Variants in RABGAP1L observed in about 807,000 individuals in gnomAD.
The protein encoded by RABGAP1L is rab GTPase-activating protein 1-like.
RABGAP1L carries 63 observed loss-of-function variants against 137.7 expected under a neutral mutation model. That is an observed-to-expected ratio of 0.46 (90% CI 0.37 to 0.56). The LOEUF is 0.56. RABGAP1L is among the 20% of genes least tolerant of loss of function. RABGAP1L has a pLI of 0.00. For missense variants in RABGAP1L, 1,095 were observed against 1,244.0 expected, an observed-to-expected ratio of 0.88 and a Z score of 1.80; for synonymous variants, 431 against 433.7, an observed-to-expected ratio of 0.99 and a Z score of 0.08.
At chr1:174,486,881 A>T (rs543760551) in intron 13 of RABGAP1L, among the ~76,000 whole-genome samples, 3 of 151,924 alleles carry the variant, frequency 2.0e-5, no homozygotes, top group Non-Finnish European at 4.4e-5. Flanking sequence ...TGATTTCCTT[A>T]TTGACTCACT....
intron 13 of RABGAP1L, among the ~76,000 whole-genome samples, chr1:174,501,323 G>C (rs937467010): frequency 6.6e-6 from 1 of 150,684 alleles, no homozygotes; most frequent in Non-Finnish European, 1.5e-5. Flanking sequence ...AAGCGATTCT[G>C]CTGCCTCAGT....
At position 174,965,095 on chromosome 1, in the gene RABGAP1L, T is replaced by C. The variant is rs541938137; in HGVS notation, c.2434-4182T>C. The C allele has an allele frequency of 9.1e-5, 67 of 737,284 alleles. 1 individual carries two copies. The South Asian group carries it at 1.1e-3, about 12-fold the overall frequency. 45.7% of individuals were successfully genotyped at this position (737,284 alleles called of 1,614,324 possible). A position where few individuals can be genotyped will look rare whatever the true frequency, so the allele number is the denominator to read the frequency against. On this transcript the variant is annotated intron_variant, in intron 20 of 25. Coordinates refer to ENST00000681986, the MANE Select transcript of RABGAP1L (RefSeq NM_001366446.1). ...CTAACCAAACTTTCCCAGCTGTACA[T>C]CTCCTATCCATAAGGGGTGAAACTA...
chr1:174,655,319 G>T (rs1675882795), intron 14 of RABGAP1L, among the ~76,000 whole-genome samples: 1 of 152,038 alleles, frequency 6.6e-6, no homozygotes, highest in South Asian at 2.1e-4. Flanking sequence ...CTTCAACCTG[G>T]AACCATTTCT....
chr1:174,678,212 A>G (rs1337048693), intron 14 of RABGAP1L, among the ~76,000 whole-genome samples: 3 of 152,200 alleles, frequency 2.0e-5, no homozygotes, highest in Non-Finnish European at 4.4e-5. Flanking sequence ...GAAAATACGG[A>G]TAGCTCTATT....
At chr1:174,932,247 T>C (rs1193876706) in intron 19 of RABGAP1L, among the ~76,000 whole-genome samples, 2 of 151,574 alleles carry the variant, frequency 1.3e-5, no homozygotes, top group Non-Finnish European at 2.9e-5. Context: ...ATTTAATACT[T>C]CTTTGTTTTT....
intron 13 of RABGAP1L, among the ~76,000 whole-genome samples, chr1:174,519,092 CACACACACACACACAT>C (rs902215875): frequency 3.4e-5 from 5 of 149,126 alleles, no homozygotes; most frequent in Non-Finnish European, 1.5e-5. Context: ...TATATATATA[CACACACACACACACAT>C]ACACACACAC....
At chr1:174,587,812 C>T (rs956417450) in intron 13 of RABGAP1L, among the ~76,000 whole-genome samples, 1 of 152,068 alleles carries the variant, frequency 6.6e-6, no homozygotes, top group Non-Finnish European at 1.5e-5. Context: ...CCATCTCAAG[C>T]ATTTATTTCT....
intron 14 of RABGAP1L, among the ~76,000 whole-genome samples, chr1:174,643,211 G>A (rs1294133600): frequency 1.3e-5 from 2 of 152,124 alleles, no homozygotes; most frequent in Non-Finnish European, 2.9e-5. Flanking sequence ...GTGATGATAG[G>A]TGTTCCTGGA....
At chr1:174,769,520 A>G (rs1488688903) in intron 18 of RABGAP1L, among the ~76,000 whole-genome samples, 1 of 152,216 alleles carries the variant, frequency 6.6e-6, no homozygotes, top group African/African-American at 2.4e-5. Flanking sequence ...AAGCTCCTCT[A>G]TCCCCCTAGC....
At chr1:174,583,603 A>G (rs1668900480) in intron 13 of RABGAP1L, among the ~76,000 whole-genome samples, 1 of 152,168 alleles carries the variant, frequency 6.6e-6, no homozygotes, top group Non-Finnish European at 1.5e-5. Context: ...AAAAGTTCCC[A>G]TAGCTCATAG....
intron 1 of RABGAP1L, among the ~76,000 whole-genome samples, chr1:174,211,906 A>C (rs1347029192): frequency 6.6e-6 from 1 of 152,184 alleles, no homozygotes; most frequent in Non-Finnish European, 1.5e-5. Flanking sequence ...ATAATGACTA[A>C]AAGGTCAATT....
chr1:174,416,845 G>T (rs1650654327), intron 13 of RABGAP1L, among the ~76,000 whole-genome samples: 1 of 152,040 alleles, frequency 6.6e-6, no homozygotes, highest in African/African-American at 2.4e-5. Context: ...TTCCCAGGCT[G>T]CTTTGTGTTT....
chr1:174,518,463 A>G (rs1663061646), intron 13 of RABGAP1L, among the ~76,000 whole-genome samples: 3 of 152,342 alleles, frequency 2.0e-5, no homozygotes, highest in South Asian at 2.1e-4. Flanking sequence ...TTAAATAGCT[A>G]TTAAGTGTAT....
Position 174,669,284 on chromosome 1 carries a change from C to T in RABGAP1L, c.1825-14238C>T, listed in dbSNP as rs182179978. On this transcript the variant is annotated intron_variant, in intron 14 of 25. Coordinates refer to ENST00000681986, the MANE Select transcript of RABGAP1L (RefSeq NM_001366446.1). ...ATCATGAGAAAAGCATGGGGGAAAC[C>T]GCTTCCCTGATTCAGTTACCTTCAC... 7.2e-3 allele frequency among the ~76,000 whole-genome samples: 1,095 copies of T among 152,174 alleles called. 10 individuals carry two copies. The highest frequency in any genetic ancestry group is 0.012 in the Non-Finnish European group (788 of 67,996).
chr1:174,548,676 T>G, intron 13 of RABGAP1L: 2 of 637,214 alleles, frequency 3.1e-6, no homozygotes, highest in Non-Finnish European at 3.9e-6. Context: ...TTTGCTTAAT[T>G]ATTCATTTTG....
rs1557982026 is a variant in RABGAP1L at position 174,683,526 on chromosome 1, ACT to A, written c.1832_1833del (p.Ser611CysfsTer3). ...TTCTTTTCATCTTTTCTCTAGGCCT[ACT>A]CTGTGTATGATGAAGACATTGGGTA... On this transcript the variant is annotated frameshift_variant, in exon 15 of 26. Transcript: ENST00000681986. LOFTEE classifies it high-confidence loss of function. 6.3e-7 allele frequency: 1 copy of A among 1,597,276 alleles called. No individual in the cohort carries two copies. The highest frequency in any genetic ancestry group is 2.2e-5 in the East Asian group (1 of 44,678).
Position 174,699,672 on chromosome 1 carries a change from T to C in RABGAP1L, c.2025+22T>C, listed in dbSNP as rs777281186. On this transcript the variant is annotated intron_variant, in intron 16 of 25. Transcript: ENST00000681986. ...GCAGGTAAATAAAAATTAGGAACTT[T>C]TATCACTCAGGGATTTGTTGAGTCA... 3.8e-6 allele frequency: 6 copies of C among 1,579,860 alleles called. No homozygotes were observed. The South Asian group carries it at 4.5e-5, about 12-fold the overall frequency.
At chr1:174,534,132 C>CTGTGTGTGTGTGTGTGTG (rs35255973) in intron 13 of RABGAP1L, among the ~76,000 whole-genome samples, 6 of 132,624 alleles carry the variant, frequency 4.5e-5, no homozygotes, top group Admixed American at 1.5e-4. Context: ...GAGGTCAACT[C>CTGTGTGTGTGTGTGTGTG]TGTGTGTGTG....
intron 11 of RABGAP1L, among the ~76,000 whole-genome samples, chr1:174,313,429 T>C (rs1287952259): frequency 6.6e-6 from 1 of 152,218 alleles, no homozygotes; most frequent in Non-Finnish European, 1.5e-5. Flanking sequence ...TTTGACTTCT[T>C]TCTTTCCAAT....
Sources: gnomAD v4.1 joint callset for allele counts (sites outside exome capture counted in the v4.1 genomes callset) on GRCh38, gnomAD v4.1.1 for gene constraint, MANE v1.5 for transcripts, NCBI Gene and HGNC (gene_info 2026-07-23, HGNC 2026-07-21) for gene names.